PHTF1: variants seen among roughly 807,000 people sequenced by gnomAD.
The protein encoded by PHTF1 is protein PHTF1.
PHTF1 carries 88 observed loss-of-function variants against 102.4 expected under a neutral mutation model. That is an observed-to-expected ratio of 0.86 (90% confidence interval 0.72 to 1.03). The LOEUF is 1.03. Among genes scored for constraint, PHTF1 ranks in the 50% least tolerant of loss-of-function variants. PHTF1 has a pLI of 0.00. For missense variants in PHTF1, 814 were observed against 909.5 expected (o/e 0.89, Z 1.35); for synonymous variants, 289 against 305.2 (o/e 0.95, Z 0.55).
intron 3 of PHTF1, among the ~76,000 whole-genome samples, chr1:113,743,381 G>A (rs952513448): frequency 1.3e-5 from 2 of 151,716 alleles, no homozygotes; most frequent in African/African-American, 4.8e-5. Flanking sequence ...TAACACACAG[G>A]GAGCTGTCAT....
intron 3 of PHTF1, among the ~76,000 whole-genome samples, chr1:113,753,265 T>C (rs759357698): frequency 1.2e-4 from 19 of 152,214 alleles, no homozygotes; most frequent in Non-Finnish European, 2.5e-4. Context: ...ACTAGTCTCA[T>C]AGAATGAGCT....
chr1:113,713,740 CT>C, intron 7 of PHTF1: 1 of 286,590 alleles, frequency 3.5e-6, no homozygotes, highest in South Asian at 3.9e-5. Flanking sequence ...CACAATGCAA[CT>C]CCTACCTTAT....
At chr1:113,711,893 C>G in intron 9 of PHTF1, 47 bp downstream of exon 9, 1 of 1,602,530 alleles carries the variant, frequency 6.2e-7, no homozygotes, top group Non-Finnish European at 8.5e-7. Flanking sequence ...TTGTTACTAA[C>G]TTCAATGATT....
chr1:113,749,995 T>C (rs1429779663), intron 3 of PHTF1, among the ~76,000 whole-genome samples: 1 of 151,988 alleles, frequency 6.6e-6, no homozygotes, highest in Non-Finnish European at 1.5e-5. Context: ...GGTTTTGTTT[T>C]GTTTTTGTTT....
Position 113,738,095 on chromosome 1 carries a change from A to G in PHTF1, c.331+15T>C. 6.4e-7 allele frequency: 1 copy of G among 1,574,530 alleles called. No individual in the cohort carries two copies. The highest frequency in any genetic ancestry group is 1.7e-5 in the Admixed American group (1 of 58,294). The stretch of plus-strand genomic sequence containing the variant: ...AAAAGAAACTGTCATTGCTTATTCC[A>G]ATTTCTCCAATTACCTTGCATGAAA... On this transcript the variant is annotated intron_variant, in intron 5 of 18. Coordinates refer to ENST00000369604, the MANE Select transcript of PHTF1 (RefSeq NM_001323043.2).
At chr1:113,735,549 G>A (rs1655368672) in intron 5 of PHTF1, among the ~76,000 whole-genome samples, 1 of 151,898 alleles carries the variant, frequency 6.6e-6, no homozygotes, top group African/African-American at 2.4e-5. Context: ...TGATCATTAT[G>A]AAGACTTAAT....
chr1:113,738,205 A>G lies in PHTF1; in HGVS notation c.236T>C (p.Val79Ala), dbSNP rs755680714. The change falls in exon 5 of 19, where the codon GTT (valine) becomes GCT (alanine). Residue 79 changes from valine to alanine, a missense_variant. By Grantham distance (64) the Val-to-Ala change is moderately conservative. Coordinates refer to ENST00000369604, the MANE Select transcript of PHTF1 (RefSeq NM_001323043.2). ...PWTSLTRKGLVRVVFFPLFSN... is the reference protein window; with the variant it reads ...PWTSLTRKGLARVVFFPLFSN... Reference sequence around the variant, plus strand: ...GAACAATGGAAAAAATACAACTCGAACAAGCCCCTTCCGAGTCAGAGATGT... The same window carrying G: ...GAACAATGGAAAAAATACAACTCGAGCAAGCCCCTTCCGAGTCAGAGATGT... 11 of 1,613,710 alleles carry G rather than the reference A, an allele frequency of 6.8e-6. No individual in the cohort carries two copies. Among genetic ancestry groups the G allele is most frequent in the Non-Finnish European group, 9.3e-6 (11 of 1,179,714 alleles).
intron 8 of PHTF1, 76 bp from the exon 9 acceptor site, chr1:113,712,189 A>G: frequency 6.7e-6 from 8 of 1,191,662 alleles, no homozygotes; most frequent in South Asian, 2.8e-5. Flanking sequence ...AAAAACAAAA[A>G]AAAATCATAC....
rs1553223253 is a variant in PHTF1 at position 113,706,013 on chromosome 1, G to A, written c.1548C>T (p.Leu516=). The A allele has an allele frequency of 1.3e-5, 21 of 1,614,126 alleles. No homozygotes were observed. The highest frequency in any genetic ancestry group is 2.2e-5 in the South Asian group (2 of 91,082). ...GTGTAACAGGTGGTGCCCCACAAAAGAGAGTCAAGATCTCCTCAGCTGAAA... is the reference window on the plus strand; with the variant it reads ...GTGTAACAGGTGGTGCCCCACAAAAAAGAGTCAAGATCTCCTCAGCTGAAA... ...KSISAEEILT[L]FCGAPPVTPI... is the part of the protein sequence containing the mutation. The change falls in exon 13 of 19, where the codon CTC becomes CTT. Residue 516 remains leucine, a synonymous_variant. Transcript: ENST00000369604.
At chr1:113,705,836 A>G in intron 13 of PHTF1, 54 bp downstream of exon 13, 4 of 1,395,572 alleles carry the variant, frequency 2.9e-6, no homozygotes, top group South Asian at 1.3e-5. Flanking sequence ...AAGCAACTCA[A>G]TGGAATATCA....
chr1:113,713,436 A>T lies in PHTF1; in HGVS notation c.626T>A (p.Ile209Asn), dbSNP rs1228521964. ...GFWETIFGNRIKRVKLISNKG... is the reference protein window; with the variant it reads ...GFWETIFGNRNKRVKLISNKG... Reference sequence around the variant, plus strand: ...GTTAGATATTAATTTTACTCTTTTAATCCTATTTTTTAAAAAAGGAAAAGA... The same window carrying T: ...GTTAGATATTAATTTTACTCTTTTATTCCTATTTTTTAAAAAAGGAAAAGA... Residue 209 changes from isoleucine (I) to asparagine (N), a missense_variant and splice_region_variant, in exon 8 of 19, where the codon ATT becomes AAT. Transcript: ENST00000369604. 1.3e-6 allele frequency: 2 copies of T among 1,511,474 alleles called. No individual in the cohort carries two copies. Among genetic ancestry groups the T allele is most frequent in the Admixed American group, 4.0e-5 (2 of 50,078 alleles). The allele number at this position is 1,511,474 out of a possible 1,614,324, so 93.6% of individuals were successfully genotyped here. A position where few individuals can be genotyped will look rare whatever the true frequency, so the allele number is the denominator to read the frequency against.
intron 7 of PHTF1, among the ~76,000 whole-genome samples, chr1:113,717,003 T>A (rs4589108): frequency 0.11 from 16,100 of 152,054 alleles, 1,088 homozygotes; most frequent in East Asian, 0.23. Context: ...AATACAACAT[T>A]TCAAGACATA....
At chr1:113,718,194 T>C (rs759830324) in intron 7 of PHTF1, among the ~76,000 whole-genome samples, 1 of 152,140 alleles carries the variant, frequency 6.6e-6, no homozygotes, top group Non-Finnish European at 1.5e-5. Flanking sequence ...ACAGGGCCCT[T>C]GCAAGTCTGA....
At chr1:113,726,178 T>C (rs114225822) in intron 6 of PHTF1, among the ~76,000 whole-genome samples, 92 of 152,248 alleles carry the variant, frequency 6.0e-4, no homozygotes, top group African/African-American at 1.9e-3. Context: ...TAATATAGTA[T>C]AGAAATTTTC....
At chr1:113,755,153 T>A (rs1230679) in intron 3 of PHTF1, among the ~76,000 whole-genome samples, 38,526 of 151,916 alleles carry the variant, frequency 0.25, 5,502 homozygotes, top group East Asian at 0.61. Context: ...ATTTTTATTT[T>A]AAAATTTTTT....
intron 11 of PHTF1, 67 bp downstream of exon 11, chr1:113,710,187 G>T: frequency 8.8e-7 from 1 of 1,134,218 alleles, no homozygotes; most frequent in Non-Finnish European, 1.3e-6. Context: ...TAAATGAGAT[G>T]ACAGAGTGCC....
At chr1:113,726,674 A>C in intron 5 of PHTF1, 100 bp from the exon 6 acceptor site, 1 of 756,324 alleles carries the variant, frequency 1.3e-6, no homozygotes. Flanking sequence ...CATCATTTAA[A>C]AAAGTACACA....
intron 5 of PHTF1, among the ~76,000 whole-genome samples, chr1:113,734,168 G>A (rs941580433): frequency 5.9e-5 from 9 of 152,162 alleles, no homozygotes; most frequent in African/African-American, 1.9e-4. Flanking sequence ...GCTAAGGCAG[G>A]AGAATCACTT....
At chr1:113,700,250 C>CAAA in intron 16 of PHTF1, 1 of 612,020 alleles carries the variant, frequency 1.6e-6, no homozygotes, top group Non-Finnish European at 2.0e-6. Flanking sequence ...GATTCTAAGA[C>CAAA]AAAAAAAAAA....
Sources: gnomAD v4.1 joint callset for allele counts (sites outside exome capture counted in the v4.1 genomes callset) on GRCh38, gnomAD v4.1.1 for gene constraint, MANE v1.5 for transcripts, NCBI Gene and HGNC (gene_info 2026-07-23, HGNC 2026-07-21) for gene names.